SHLD1: variants seen among roughly 807,000 people sequenced by gnomAD.
The protein encoded by SHLD1 is shieldin complex subunit 1, also known as RINN1-REV7-interacting novel NHEJ regulator 3.
SHLD1 carries 3 observed loss-of-function variants against 5.5 expected under a neutral mutation model. The ratio of observed to expected loss-of-function variants is 0.54; its 90% CI spans 0.25 to 1.40. The LOEUF is 1.40. Ranked by LOEUF, SHLD1 falls within the 40% of genes most tolerant of loss-of-function variation. The pLI is 0.15. For missense variants in SHLD1, 210 were observed against 244.4 expected (o/e 0.86, Z 0.94); for synonymous variants, 92 against 94.3 (o/e 0.98, Z 0.14).
chr20:5,769,634 T>C (rs936631570), intron 1 of SHLD1, among the ~76,000 whole-genome samples: 1 of 152,226 alleles, frequency 6.6e-6, no homozygotes, highest in Admixed American at 6.5e-5. Flanking sequence ...ATATAAGTTA[T>C]GTGAATGTGG....
At chr20:5,834,297 A>G (rs2087764391) in intron 2 of SHLD1, among the ~76,000 whole-genome samples, 3 of 152,152 alleles carry the variant, frequency 2.0e-5, no homozygotes, top group Admixed American at 2.0e-4. Flanking sequence ...CTCTTCAAAT[A>G]TAACTTTTCC....
intron 2 of SHLD1, among the ~76,000 whole-genome samples, chr20:5,833,017 A>T (rs1269465653): frequency 6.6e-6 from 1 of 151,996 alleles, no homozygotes; most frequent in African/African-American, 2.4e-5. Context: ...GTGACTGGCC[A>T]GTGTTGCATG....
At chr20:5,794,252 G>A (rs569391735) in intron 2 of SHLD1, among the ~76,000 whole-genome samples, 1 of 152,282 alleles carries the variant, frequency 6.6e-6, no homozygotes, top group East Asian at 1.9e-4. Flanking sequence ...TGAGGATTGA[G>A]TGAGACACCT....
chr20:5,849,401 G>T (rs1167588743), intron 2 of SHLD1, among the ~76,000 whole-genome samples: 1 of 152,214 alleles, frequency 6.6e-6, no homozygotes, highest in African/African-American at 2.4e-5. Context: ...GGCTTGGAGT[G>T]TCATAGGACA....
chr20:5,758,253 G>C (rs574057768), intron 1 of SHLD1, among the ~76,000 whole-genome samples: 1 of 147,042 alleles, frequency 6.8e-6, no homozygotes, highest in East Asian at 2.0e-4. Context: ...AAGCTAAGGT[G>C]GGGGGATTTG....
intron 2 of SHLD1, among the ~76,000 whole-genome samples, chr20:5,791,668 T>C (rs968779024): frequency 2.0e-5 from 3 of 152,030 alleles, no homozygotes; most frequent in African/African-American, 7.2e-5. Context: ...ACCTTTGCTT[T>C]GTGAAAGCCC....
chr20:5,774,421 T>C (rs1165386266), intron 2 of SHLD1, among the ~76,000 whole-genome samples: 1 of 152,180 alleles, frequency 6.6e-6, no homozygotes, highest in East Asian at 1.9e-4. Context: ...GTAATCAGGA[T>C]CAGTAAGTCT....
intron 1 of SHLD1, among the ~76,000 whole-genome samples, chr20:5,756,330 C>A (rs1183666765): frequency 6.6e-6 from 1 of 152,024 alleles, no homozygotes; most frequent in African/African-American, 2.4e-5. Context: ...TCTTTAGTGA[C>A]CTAAATATCA....
intron 2 of SHLD1, among the ~76,000 whole-genome samples, chr20:5,841,168 C>CGAGTGTGTGTGTGTGT (rs2087853744): frequency 8.3e-6 from 1 of 120,622 alleles, no homozygotes; most frequent in Non-Finnish European, 1.6e-5. Flanking sequence ...CTGAAAATAG[C>CGAGTGTGTGTGTGTGT]GAGTGTGTGT....
At chr20:5,820,865 G>A (rs1263908114) in intron 2 of SHLD1, among the ~76,000 whole-genome samples, 1 of 152,172 alleles carries the variant, frequency 6.6e-6, no homozygotes, top group Non-Finnish European at 1.5e-5. Context: ...AGCCAACCAG[G>A]CTGTTACCTA....
Position 5,863,328 on chromosome 20 carries a change from G to A in SHLD1, c.483G>A (p.Gln161=). The stretch of plus-strand genomic sequence containing the variant: ...ACCGGGACGGCTGCTCCGTCTTACA[G>A]AGGCATTCCAGGGACACCCACTTCT... ...IFNRDGCSVL[Q]RHSRDTHFYP... is the part of the protein sequence containing the mutation. Residue 161 remains glutamine, a synonymous_variant, in exon 3 of 3, where the codon CAG becomes CAA. Transcript: ENST00000303142. 2 of 1,614,222 alleles carry A rather than the reference G, an allele frequency of 1.2e-6. No homozygotes were observed. Among genetic ancestry groups the A allele is most frequent in the Non-Finnish European group, 1.7e-6 (2 of 1,180,032 alleles).
At chr20:5,809,046 A>T (rs1051497538) in intron 2 of SHLD1, among the ~76,000 whole-genome samples, 8 of 152,126 alleles carry the variant, frequency 5.3e-5, no homozygotes, top group Non-Finnish European at 1.0e-4. Flanking sequence ...CACATACCTC[A>T]TGAGAATGTA....
intron 2 of SHLD1, among the ~76,000 whole-genome samples, chr20:5,828,468 C>A (rs1419788078): frequency 6.6e-6 from 1 of 150,456 alleles, no homozygotes; most frequent in South Asian, 2.1e-4. Flanking sequence ...GCCCCTCAAA[C>A]CATTTCCTGC....
chr20:5,788,274 T>C (rs1368072806), intron 2 of SHLD1, among the ~76,000 whole-genome samples: 1 of 149,754 alleles, frequency 6.7e-6, no homozygotes, highest in Non-Finnish European at 1.5e-5. Context: ...TGTACCCCCA[T>C]TTCTTCCTAG....
At chr20:5,860,029 C>G (rs960675750) in intron 2 of SHLD1, among the ~76,000 whole-genome samples, 1 of 152,190 alleles carries the variant, frequency 6.6e-6, no homozygotes, top group Non-Finnish European at 1.5e-5. Context: ...GAGGGTTCAA[C>G]TTTCCCAGTG....
intron 2 of SHLD1, among the ~76,000 whole-genome samples, chr20:5,774,808 G>A (rs1217127703): frequency 5.9e-5 from 9 of 152,068 alleles, no homozygotes; most frequent in East Asian, 3.9e-4. Flanking sequence ...ATGACATTTC[G>A]GCAGGGACAC....
chr20:5,830,561 G>A (rs237077), intron 2 of SHLD1, among the ~76,000 whole-genome samples: 58,340 of 151,486 alleles, frequency 0.39, 13,112 homozygotes, highest in African/African-American at 0.63. Flanking sequence ...AGTGGCACAT[G>A]CCTGTAATCT....
At chr20:5,791,939 C>T (rs949095562) in intron 2 of SHLD1, among the ~76,000 whole-genome samples, 1 of 152,174 alleles carries the variant, frequency 6.6e-6, no homozygotes, top group African/African-American at 2.4e-5. Flanking sequence ...TTGACTTGCA[C>T]TTTTCTGATG....
intron 2 of SHLD1, among the ~76,000 whole-genome samples, chr20:5,797,880 G>A (rs1234468662): frequency 1.3e-5 from 2 of 152,138 alleles, no homozygotes; most frequent in African/African-American, 4.8e-5. Context: ...TATTATACAT[G>A]TAGATATGAC....
Sources: allele counts gnomAD v4.1 joint callset (sites outside exome capture counted in the v4.1 genomes callset), GRCh38; gene constraint gnomAD v4.1.1; transcripts MANE v1.5; gene names NCBI Gene and HGNC (gene_info 2026-07-23, HGNC 2026-07-21).